MPG: variants seen among roughly 807,000 people sequenced by gnomAD.
The protein encoded by MPG is N-methylpurine DNA glycosylase.
MPG carries 33 observed loss-of-function variants against 31.7 expected under a neutral mutation model. The observed-to-expected ratio is 1.04, with a 90% CI of 0.79 to 1.39. The LOEUF is 1.39. Among genes scored for constraint, MPG ranks in the 40% most tolerant of loss-of-function variants. The pLI, the probability that MPG is intolerant of heterozygous loss-of-function variation, is 0.00. For missense variants in MPG, 455 were observed against 415.5 expected (o/e 1.10, Z -0.83); for synonymous variants, 202 against 169.2 (o/e 1.19, Z -1.51).
At position 79,492 on chromosome 16, in the gene MPG, AC is replaced by A; in HGVS notation, c.93del (p.Asp31GlufsTer72). 6.2e-7 allele frequency: 1 copy of A among 1,612,776 alleles called. No homozygotes were observed. Among genetic ancestry groups the A allele is most frequent in the African/African-American group, 1.3e-5 (1 of 75,000 alleles). ...ARAGQPHSSS[D>X]AAQAPAEQPH... The stretch of plus-strand genomic sequence containing the variant: ...GCAGGGCAGCCACACAGCTCGTCCG[AC>A]GCAGCCCAGGCACCTGCAGAGCAGC... On this transcript the variant is annotated frameshift_variant, in exon 2 of 4. Coordinates refer to ENST00000356432, the MANE Select transcript of MPG (RefSeq NM_001015052.3). LOFTEE classifies it high-confidence loss of function.
intron 3 of MPG, chr16:84,693 G>C (rs1898369040): frequency 6.6e-6 from 1 of 152,488 alleles, no homozygotes; most frequent in Non-Finnish European, 1.5e-5. Flanking sequence ...GCCTGGCCTG[G>C]TGAGGGAGGG....
chr16:85,632 C>G lies in MPG; in HGVS notation c.737C>G (p.Pro246Arg). The G allele has an allele frequency of 6.3e-7, 1 of 1,595,564 alleles. No individual in the cohort carries two copies. The highest frequency in any genetic ancestry group is 1.1e-5 in the South Asian group (1 of 90,310). ...AVWLERGPLE[P>R]SEPAVVAAAR... is the part of the protein sequence containing the mutation. ...TGGCTGGAGCGTGGTCCCCTGGAGC[C>G]CAGTGAGCCGGCTGTAGTGGCAGCA... is the stretch of plus-strand genomic sequence containing the variant. The change falls in exon 4 of 4, where the codon CCC (proline) becomes CGC (arginine). Residue 246 changes from proline to arginine, a missense_variant. Physicochemically the swap from Pro to Arg is moderately radical, Grantham distance 103. Coordinates refer to ENST00000356432, the MANE Select transcript of MPG (RefSeq NM_001015052.3).
chr16:85,507 C>T lies in MPG; in HGVS notation c.612C>T (p.Leu204=). The T allele has an allele frequency of 1.2e-6, 2 of 1,613,380 alleles. No individual in the cohort carries two copies. The highest frequency in any genetic ancestry group is 2.2e-5 in the South Asian group (2 of 91,084). Residue 204 remains leucine (L), a synonymous_variant, in exon 4 of 4, where the codon CTC becomes CTT. Coordinates refer to ENST00000356432, the MANE Select transcript of MPG (RefSeq NM_001015052.3). ...TLRKGTASRV[L]KDRELCSGPS... ...GGAAAGGCACCGCCAGCCGTGTCCT[C>T]AAGGACCGCGAGCTCTGCAGTGGCC...
At chr16:84,864 G>A (rs1308301081) in intron 3 of MPG, among the ~76,000 whole-genome samples, 3 of 152,176 alleles carry the variant, frequency 2.0e-5, no homozygotes, top group Admixed American at 6.5e-5. Context: ...CCAACTCCTA[G>A]CCCCCACCAC....
intron 2 of MPG, among the ~76,000 whole-genome samples, chr16:80,815 A>T (rs1038626265): frequency 1.4e-4 from 20 of 141,402 alleles, no homozygotes; most frequent in African/African-American, 3.1e-5. Context: ...TCTCAAAAAT[A>T]AAAAAAAAAT....
chr16:77,483 G>C (rs1267615840), upstream of MPG, among the ~76,000 whole-genome samples: 1 of 152,232 alleles, frequency 6.6e-6, no homozygotes, highest in Non-Finnish European at 1.5e-5. Context: ...AGAAGCGTAG[G>C]ACGGCTGCGC....
upstream of MPG, chr16:77,974 C>G: frequency 4.8e-6 from 1 of 209,524 alleles, no homozygotes; most frequent in Non-Finnish European, 9.5e-6. Context: ...CAGGCGGGGG[C>G]GGACAGCTCA....
Position 83,178 on chromosome 16 carries a change from G to C in MPG, c.427G>C (p.Gly143Arg), listed in dbSNP as rs1001945021. ...TGGCCGGCAGACCCCCCGCAACCGA[G>C]GCATGTTCATGAAGCCGGGGACCCT... Reference protein sequence around the residue: ...RGGRQTPRNRGMFMKPGTLYV... With the variant: ...RGGRQTPRNRRMFMKPGTLYV... Residue 143 changes from glycine (G) to arginine (R), a missense_variant, in exon 3 of 4, where the codon GGC becomes CGC. Physicochemically the swap from Gly to Arg is moderately radical, Grantham distance 125. Transcript: ENST00000356432. 6 of 1,613,100 alleles carry C rather than the reference G, an allele frequency of 3.7e-6. No homozygotes were observed. In the African/African-American group the frequency reaches 8.0e-5, roughly 22 times the overall value.
rs755855139 is a variant in MPG at position 83,149 on chromosome 16, G to A, written c.398G>A (p.Arg133Lys). Residue 133 changes from arginine (R) to lysine (K), a missense_variant, in exon 3 of 4, where the codon AGG (arginine) becomes AAG (lysine). Arg to Lys is a conservative substitution (Grantham distance 26). Transcript: ENST00000356432. ...LGPEDEAAHS[R>K]GGRQTPRNRG... ...CCAGAGGATGAAGCCGCCCACTCAA[G>A]GGGTGGCCGGCAGACCCCCCGCAAC... 6.2e-7 allele frequency: 1 copy of A among 1,613,240 alleles called. No homozygotes were observed. The highest frequency in any genetic ancestry group is 8.5e-7 in the Non-Finnish European group (1 of 1,179,956).
rs1898189712 is a variant in MPG at position 79,675 on chromosome 16, C to T, written c.275C>T (p.Pro92Leu). Residue 92 changes from proline to leucine, a missense_variant, in exon 2 of 4, where the codon CCC becomes CTC. Pro to Leu is a moderately conservative substitution (Grantham distance 98, BLOSUM62 -3). Coordinates refer to ENST00000356432, the MANE Select transcript of MPG (RefSeq NM_001015052.3). ...GAGTTCTTCGACCAGCCGGCAGTCC[C>T]CCTGGCCCGGGCATTTCTGGGACAG... ...GLEFFDQPAV[P>L]LARAFLGQVL... 6.4e-7 allele frequency: 1 copy of T among 1,564,488 alleles called. No homozygotes were observed. The highest frequency in any genetic ancestry group is 8.7e-7 in the Non-Finnish European group (1 of 1,153,408).
At chr16:83,468 C>T (rs992212291) in intron 3 of MPG, 16 of 540,164 alleles carry the variant, frequency 3.0e-5, no homozygotes, top group Admixed American at 2.4e-4. Flanking sequence ...GGGCCGGGCG[C>T]GGTGGCTCAC....
chr16:78,257 C>A lies in MPG; in HGVS notation c.-53C>A. 7.3e-7 allele frequency: 1 copy of A among 1,366,994 alleles called. No homozygotes were observed. Among genetic ancestry groups the A allele is most frequent in the African/African-American group, 1.5e-5 (1 of 65,734 alleles). The allele number at this position is 1,366,994 out of a possible 1,614,324, so 84.7% of individuals were successfully genotyped here. ...GGGGTGCTTCCGTGGTCGGCGGCTG[C>A]TGGGCTCCGCGCCGGGGTCCGAGTC... On this transcript the variant is annotated 5_prime_UTR_variant, in exon 1 of 4. In the 5' UTR this introduces an upstream ATG that the reference lacks. Transcript: ENST00000356432.
intron 1 of MPG, chr16:79,194 G>A (rs1462098283): frequency 1.3e-6 from 2 of 1,547,602 alleles, no homozygotes; most frequent in East Asian, 4.9e-5. Flanking sequence ...GGGCAGAGCA[G>A]CCACCCTGCC....
chr16:80,853 C>T (rs1474799828), intron 2 of MPG, among the ~76,000 whole-genome samples: 7 of 152,162 alleles, frequency 4.6e-5, no homozygotes, highest in Admixed American at 2.6e-4. Context: ...TACAACAAAA[C>T]AGCACGTGTG....
upstream of MPG, among the ~76,000 whole-genome samples, chr16:77,280 G>A (rs573932035): frequency 6.6e-6 from 1 of 152,220 alleles, no homozygotes; most frequent in Admixed American, 6.5e-5. Context: ...GGCCAGAAGC[G>A]GGGGATGGCT....
rs1487255542 is a variant in MPG at position 85,619 on chromosome 16, G to C, written c.724G>C (p.Gly242Arg). 2.5e-6 allele frequency: 4 copies of C among 1,603,678 alleles called. No homozygotes were observed. Among genetic ancestry groups the C allele is most frequent in the Non-Finnish European group, 3.4e-6 (4 of 1,172,576 alleles). ...GGATGAAGCTGTATGGCTGGAGCGT[G>C]GTCCCCTGGAGCCCAGTGAGCCGGC... ...AQDEAVWLER[G>R]PLEPSEPAVV... Residue 242 changes from glycine to arginine, a missense_variant, in exon 4 of 4, where the codon GGT becomes CGT. Physicochemically the swap from Gly to Arg is moderately radical, Grantham distance 125. Transcript: ENST00000356432.
At chr16:80,795 C>T (rs766298693) in intron 2 of MPG, among the ~76,000 whole-genome samples, 6 of 151,830 alleles carry the variant, frequency 4.0e-5, no homozygotes, top group African/African-American at 7.3e-5. Context: ...GGCGACAGGG[C>T]GAGACTCCGT....
At chr16:82,241 C>T (rs1596486206) in intron 2 of MPG, among the ~76,000 whole-genome samples, 1 of 151,336 alleles carries the variant, frequency 6.6e-6, no homozygotes, top group Non-Finnish European at 1.5e-5. Context: ...GGAAGCCCTC[C>T]TGAATGCTCC....
chr16:78,275 T>A lies in MPG; in HGVS notation c.-35T>A. ...GCGGCTGCTGGGCTCCGCGCCGGGG[T>A]CCGAGTCCCACGAAGCCCCGGCCCG... is the stretch of plus-strand genomic sequence containing the variant. On this transcript the variant is annotated 5_prime_UTR_variant, in exon 1 of 4. Transcript: ENST00000356432. 3 of 1,369,974 alleles carry A rather than the reference T, an allele frequency of 2.2e-6. No homozygotes were observed. The highest frequency in any genetic ancestry group is 2.8e-6 in the Non-Finnish European group (3 of 1,057,254). 84.9% of individuals were successfully genotyped at this position (1,369,974 alleles called of 1,614,324 possible).
Sources: allele counts gnomAD v4.1 joint callset (sites outside exome capture counted in the v4.1 genomes callset), GRCh38; gene constraint gnomAD v4.1.1; transcripts MANE v1.5; gene names NCBI Gene and HGNC (gene_info 2026-07-23, HGNC 2026-07-21).